Variants in SUGCT observed in about 807,000 individuals in gnomAD.
The protein encoded by SUGCT is succinyl-CoA:glutarate CoA-transferase.
In SUGCT, 41 loss-of-function variants were observed where a neutral mutation model predicts 55.0. That is an observed-to-expected ratio of 0.74 (90% CI 0.58 to 0.97). The LOEUF (loss-of-function observed/expected upper bound fraction) is 0.97, where lower values mean the gene tolerates loss of function less well. Among genes scored for constraint, SUGCT ranks in the 50% least tolerant of loss-of-function variants. SUGCT has a pLI of 0.00. For synonymous variants in SUGCT, 187 were observed against 200.4 expected, an observed-to-expected ratio of 0.93 and a Z score of 0.56; for missense variants, 568 against 547.8, an observed-to-expected ratio of 1.04 and a Z score of -0.37.
intron 7 of SUGCT, among the ~76,000 whole-genome samples, chr7:40,238,903 C>T (rs1269142625): frequency 6.6e-6 from 1 of 151,480 alleles, no homozygotes; most frequent in Non-Finnish European, 1.5e-5. Flanking sequence ...TCACTGCAGC[C>T]TCTGCCTCCT....
chr7:40,802,737 A>G (rs1790890324), intron 13 of SUGCT, among the ~76,000 whole-genome samples: 1 of 152,182 alleles, frequency 6.6e-6, no homozygotes, highest in Non-Finnish European at 1.5e-5. Flanking sequence ...CTTGAGTCAC[A>G]TGTGCTTTCT....
At chr7:40,206,846 G>T (rs1787004184) in intron 6 of SUGCT, among the ~76,000 whole-genome samples, 1 of 152,138 alleles carries the variant, frequency 6.6e-6, no homozygotes, top group Admixed American at 6.6e-5. Flanking sequence ...TTGTGGATTG[G>T]TTGAATCCAT....
intron 7 of SUGCT, among the ~76,000 whole-genome samples, chr7:40,254,934 G>A (rs981831633): frequency 2.6e-5 from 4 of 151,634 alleles, no homozygotes; most frequent in Non-Finnish European, 5.9e-5. Context: ...GAAAGGATAT[G>A]TTGGCTGGGC....
At chr7:40,852,479 C>G (rs1793898095) in intron 13 of SUGCT, among the ~76,000 whole-genome samples, 1 of 151,994 alleles carries the variant, frequency 6.6e-6, no homozygotes, top group Admixed American at 6.6e-5. Flanking sequence ...AGTAGCTTCC[C>G]ACTGAACCTA....
chr7:40,603,927 T>C (rs971657210), intron 12 of SUGCT, among the ~76,000 whole-genome samples: 1 of 152,194 alleles, frequency 6.6e-6, no homozygotes, highest in Non-Finnish European at 1.5e-5. Context: ...GTTTAAGATA[T>C]AGATAATATC....
chr7:40,627,927 A>G (rs943765578), intron 12 of SUGCT, among the ~76,000 whole-genome samples: 2 of 152,222 alleles, frequency 1.3e-5, no homozygotes, highest in African/African-American at 4.8e-5. Context: ...CCTCAAATTG[A>G]AACATGTGGC....
intron 12 of SUGCT, among the ~76,000 whole-genome samples, chr7:40,553,113 TA>T (rs1186167184): frequency 2.0e-5 from 3 of 152,206 alleles, no homozygotes; most frequent in African/African-American, 7.2e-5. Flanking sequence ...AGGTAATAAT[TA>T]CTTTTGGACT....
At chr7:40,952,923 T>G in the SUGCT span, among the ~76,000 whole-genome samples, 2 of 152,152 alleles carry the variant, frequency 1.3e-5, no homozygotes, top group African/African-American at 4.8e-5. Flanking sequence ...ATCTGACAAT[T>G]AGGTGTCTTG....
At chr7:40,640,852 A>G (rs1800238900) in intron 12 of SUGCT, among the ~76,000 whole-genome samples, 1 of 152,236 alleles carries the variant, frequency 6.6e-6, no homozygotes, top group Non-Finnish European at 1.5e-5. Flanking sequence ...AAGAATTAGG[A>G]AGCGTAATGC....
At chr7:40,332,562 A>G (rs1476683897) in intron 9 of SUGCT, among the ~76,000 whole-genome samples, 4 of 151,584 alleles carry the variant, frequency 2.6e-5, no homozygotes, top group Admixed American at 6.6e-5. Flanking sequence ...TTTGCCTACC[A>G]TGTCATTCCT....
chr7:40,932,815 C>T, the SUGCT span, among the ~76,000 whole-genome samples: 1 of 149,192 alleles, frequency 6.7e-6, no homozygotes, highest in Non-Finnish European at 1.5e-5. Context: ...TTATTTTGAG[C>T]CTATGTGTGT....
the SUGCT span, among the ~76,000 whole-genome samples, chr7:40,921,054 A>C: frequency 6.6e-6 from 1 of 152,140 alleles, no homozygotes; most frequent in African/African-American, 2.4e-5. Context: ...TCCACACTCT[A>C]TGCCTGTATC....
intron 12 of SUGCT, among the ~76,000 whole-genome samples, chr7:40,728,076 A>C (rs1026394328): frequency 2.0e-4 from 30 of 152,184 alleles, no homozygotes; most frequent in African/African-American, 7.2e-4. Flanking sequence ...AAAAAAGATG[A>C]AGAATATTAG....
intron 9 of SUGCT, among the ~76,000 whole-genome samples, chr7:40,424,627 T>C (rs1787486509): frequency 1.3e-5 from 2 of 152,176 alleles, no homozygotes; most frequent in Non-Finnish European, 2.9e-5. Context: ...GCCACGGGGC[T>C]CAAATCGGTT....
chr7:40,832,354 A>G (rs1332747560), intron 13 of SUGCT, among the ~76,000 whole-genome samples: 1 of 152,148 alleles, frequency 6.6e-6, no homozygotes. Context: ...ATCTAATATC[A>G]TATTGTTGTG....
intron 8 of SUGCT, among the ~76,000 whole-genome samples, chr7:40,278,385 A>G (rs113162583): frequency 0.3 from 45,357 of 151,994 alleles, 7,113 homozygotes; most frequent in East Asian, 0.46. Flanking sequence ...TCAGGGATCT[A>G]GGACTAGAAA....
At chr7:40,792,814 C>T (rs975135356) in intron 13 of SUGCT, among the ~76,000 whole-genome samples, 2 of 151,996 alleles carry the variant, frequency 1.3e-5, no homozygotes, top group African/African-American at 4.8e-5. Context: ...AGGTACTGGG[C>T]CTTTGGAGCA....
At chr7:40,378,269 C>T (rs921717183) in intron 9 of SUGCT, among the ~76,000 whole-genome samples, 10 of 151,932 alleles carry the variant, frequency 6.6e-5, no homozygotes, top group Admixed American at 3.3e-4. Flanking sequence ...TTCTTGATTA[C>T]GTTCCACAGC....
intron 1 of SUGCT, among the ~76,000 whole-genome samples, chr7:40,135,641 T>C (rs1787642690): frequency 6.6e-6 from 1 of 152,218 alleles, no homozygotes; most frequent in South Asian, 2.1e-4. Context: ...CTATGAATCT[T>C]TTTTTTCCTT....
Sources: allele counts gnomAD v4.1 joint callset (sites outside exome capture counted in the v4.1 genomes callset), GRCh38; gene constraint gnomAD v4.1.1; transcripts MANE v1.5; gene names NCBI Gene and HGNC (gene_info 2026-07-23, HGNC 2026-07-21).